SLC25A40: variants seen among roughly 807,000 people sequenced by gnomAD.
SLC25A40 encodes the protein solute carrier family 25 member 40.
A neutral mutation model predicts 46.5 loss-of-function variants in SLC25A40; 41 were observed. The observed-to-expected ratio is 0.88, with a 90% CI of 0.69 to 1.14. The LOEUF is 1.14. Among genes scored for constraint, SLC25A40 ranks in the 50% most tolerant of loss-of-function variants. SLC25A40 has a pLI of 0.00. For missense variants in SLC25A40, 386 were observed against 393.6 expected (o/e 0.98, Z 0.16); for synonymous variants, 126 against 127.5 (o/e 0.99, Z 0.08).
At chr7:87,868,125 G>A (rs943623027) in intron 1 of SLC25A40, among the ~76,000 whole-genome samples, 5 of 152,106 alleles carry the variant, frequency 3.3e-5, no homozygotes, top group African/African-American at 9.7e-5. Flanking sequence ...CCAATGAGTC[G>A]AGGGAGGAGG....
At chr7:87,859,448 AAAT>A (rs947774101) in intron 2 of SLC25A40, among the ~76,000 whole-genome samples, 2 of 152,130 alleles carry the variant, frequency 1.3e-5, no homozygotes, top group Non-Finnish European at 1.5e-5. Flanking sequence ...TCTCAAAAAA[AAAT>A]AATAATAATA....
intron 11 of SLC25A40, 57 bp downstream of exon 11, chr7:87,836,673 G>A (rs879510174): frequency 3.5e-6 from 4 of 1,150,906 alleles, no homozygotes; most frequent in Admixed American, 4.9e-5. Context: ...ATTTTAGAAG[G>A]TAATATTTTA....
intron 1 of SLC25A40, among the ~76,000 whole-genome samples, chr7:87,867,549 G>A (rs1386693774): frequency 6.6e-6 from 1 of 152,098 alleles, no homozygotes; most frequent in Non-Finnish European, 1.5e-5. Flanking sequence ...TAAATCCTTG[G>A]TTGGAGAGCT....
At chr7:87,853,649 G>A (rs969634562) in intron 5 of SLC25A40, among the ~76,000 whole-genome samples, 3 of 152,120 alleles carry the variant, frequency 2.0e-5, no homozygotes, top group African/African-American at 7.2e-5. Flanking sequence ...TGAATCACCA[G>A]GTAATTATGC....
intron 7 of SLC25A40, 59 bp from the exon 8 acceptor site, chr7:87,847,181 C>T: frequency 1.5e-5 from 18 of 1,209,586 alleles, no homozygotes; most frequent in Non-Finnish European, 2.0e-5. Flanking sequence ...TATGCAAACA[C>T]ATATACTGTA....
At chr7:87,841,341 C>T in intron 10 of SLC25A40, among the ~76,000 whole-genome samples, 1 of 151,408 alleles carries the variant, frequency 6.6e-6, no homozygotes, top group East Asian at 1.9e-4. Flanking sequence ...TAGGAAAAAA[C>T]ATCATAAAAC....
At chr7:87,853,537 GA>G (rs1290429194) in intron 5 of SLC25A40, among the ~76,000 whole-genome samples, 1 of 152,056 alleles carries the variant, frequency 6.6e-6, no homozygotes, top group Non-Finnish European at 1.5e-5. Flanking sequence ...CCAAAATCTG[GA>G]AAAAACTCTG....
At position 87,847,052 on chromosome 7, in the gene SLC25A40, G is replaced by C. The variant is rs768592461; in HGVS notation, c.528C>G (p.Tyr176Ter). 6.2e-6 allele frequency: 10 copies of C among 1,613,620 alleles called. No individual in the cohort carries two copies. Among genetic ancestry groups the C allele is most frequent in the African/African-American group, 2.7e-5 (2 of 74,994 alleles). ...RTKMQSKKFSYVELHRFVSKK... is the reference protein window; with the variant it reads ...RTKMQSKKFS Reference sequence around the variant, plus strand: ...TGCTGACAAATCGATGCAGTTCCACGTAAGAAAACTTCTTGGACTGCATCT... The same window carrying C: ...TGCTGACAAATCGATGCAGTTCCACCTAAGAAAACTTCTTGGACTGCATCT... The change falls in exon 8 of 12, where the codon TAC becomes TAG. Residue 176 changes from tyrosine (Y) to a stop codon, truncating the protein, a stop_gained. Transcript: ENST00000341119. LOFTEE classifies it high-confidence loss of function.
At chr7:87,854,393 G>A (rs1838569987) in intron 4 of SLC25A40, 83 bp from the exon 5 acceptor site, 2 of 746,212 alleles carry the variant, frequency 2.7e-6, no homozygotes, top group African/African-American at 1.8e-5. Flanking sequence ...ACATCACAAT[G>A]AGGAAACTAG....
intron 6 of SLC25A40, among the ~76,000 whole-genome samples, chr7:87,848,537 G>A (rs1267141575): frequency 6.6e-6 from 1 of 152,152 alleles, no homozygotes; most frequent in Non-Finnish European, 1.5e-5. Context: ...CAGAATCAGC[G>A]AAATAAAAAG....
At chr7:87,867,682 T>C (rs1017604000) in intron 1 of SLC25A40, among the ~76,000 whole-genome samples, 9 of 152,326 alleles carry the variant, frequency 5.9e-5, no homozygotes, top group Non-Finnish European at 1.0e-4. Flanking sequence ...GAATAATTCA[T>C]TTATTCCAGT....
chr7:87,836,801 G>C lies in SLC25A40; in HGVS notation c.833C>G (p.Pro278Arg). The change falls in exon 11 of 12, where the codon CCT becomes CGT. Residue 278 changes from proline (P) to arginine (R), a missense_variant. Transcript: ENST00000341119. ...WTYESHKISM[P>R]LHMSTWIIMK... Reference sequence around the variant, plus strand: ...TATAATCCAGGTTGACATATGCAAAGGCATAGAAACTAAATGTTAAAATAA... The same window carrying C: ...TATAATCCAGGTTGACATATGCAAACGCATAGAAACTAAATGTTAAAATAA... 6.6e-7 allele frequency: 1 copy of C among 1,504,500 alleles called. No homozygotes were observed. The highest frequency in any genetic ancestry group is 8.9e-7 in the Non-Finnish European group (1 of 1,129,238). 93.2% of individuals were successfully genotyped at this position (1,504,500 alleles called of 1,614,324 possible). A position where few individuals can be genotyped will look rare whatever the true frequency, so the allele number is the denominator to read the frequency against.
intron 1 of SLC25A40, among the ~76,000 whole-genome samples, chr7:87,863,393 T>C (rs999027960): frequency 6.6e-5 from 10 of 152,010 alleles, no homozygotes; most frequent in Admixed American, 5.9e-4. Flanking sequence ...CCCCTTTTGC[T>C]TGGCACTTCT....
chr7:87,848,106 A>C, intron 6 of SLC25A40, 129 bp from the exon 7 acceptor site: 4 of 1,029,416 alleles, frequency 3.9e-6, no homozygotes, highest in Non-Finnish European at 5.3e-6. Flanking sequence ...ACTACAATAA[A>C]TCAGCCTATG....
At position 87,849,826 on chromosome 7, in the gene SLC25A40, A is replaced by G. The variant is rs1167368804; in HGVS notation, c.332+55T>C. ...AAGACTTTGTCCAACCATGCTGATTATAGGATAAAATAACAATCATTATTT... is the reference window on the plus strand; with the variant it reads ...AAGACTTTGTCCAACCATGCTGATTGTAGGATAAAATAACAATCATTATTT... On this transcript the variant is annotated intron_variant, in intron 6 of 11. Transcript: ENST00000341119. The G allele has an allele frequency of 1.2e-5, 15 of 1,245,792 alleles. No homozygotes were observed. The Admixed American group carries it at 3.2e-4, about 27-fold the overall frequency. The allele number at this position is 1,245,792 out of a possible 1,614,324, so 77.2% of individuals were successfully genotyped here.
At chr7:87,856,481 T>C (rs1220136880) in intron 3 of SLC25A40, 130 bp from the exon 4 acceptor site, 1 of 811,742 alleles carries the variant, frequency 1.2e-6, no homozygotes, top group Admixed American at 1.9e-5. Flanking sequence ...TTATTTATCT[T>C]AAAGTAGTCT....
At chr7:87,848,658 G>T (rs1000981215) in intron 6 of SLC25A40, among the ~76,000 whole-genome samples, 2 of 152,110 alleles carry the variant, frequency 1.3e-5, no homozygotes, top group African/African-American at 4.8e-5. Context: ...CTAATTTTAA[G>T]GGAATTCTAA....
intron 7 of SLC25A40, 107 bp downstream of exon 7, chr7:87,847,746 T>G (rs947591444): frequency 1.8e-6 from 2 of 1,096,696 alleles, no homozygotes; most frequent in Admixed American, 6.6e-5. Flanking sequence ...TAATGCAAAA[T>G]ATATCATACT....
chr7:87,843,461 T>C (rs1179517010), intron 9 of SLC25A40, among the ~76,000 whole-genome samples: 1 of 152,110 alleles, frequency 6.6e-6, no homozygotes, highest in African/African-American at 2.4e-5. Flanking sequence ...TGAATTAATG[T>C]ATTACAAAAT....
Sources: gnomAD v4.1 joint callset for allele counts (sites outside exome capture counted in the v4.1 genomes callset) on GRCh38, gnomAD v4.1.1 for gene constraint, MANE v1.5 for transcripts, NCBI Gene and HGNC (gene_info 2026-07-23, HGNC 2026-07-21) for gene names.